The following ZNF862 variants were observed in gnomAD, a reference collection of about 807,000 sequenced individuals.
ZNF862 encodes zinc finger protein 862.
A neutral mutation model predicts 91.1 loss-of-function variants in ZNF862; 64 were observed. The observed-to-expected ratio is 0.70, with a 90% CI of 0.57 to 0.87. The LOEUF (loss-of-function observed/expected upper bound fraction) is 0.87, where lower values mean the gene tolerates loss of function less well. ZNF862 is among the 40% of genes least tolerant of loss of function. ZNF862 has a pLI of 0.00. For missense variants in ZNF862, 1,459 were observed against 1,528.0 expected, an observed-to-expected ratio of 0.95 and a Z score of 0.75; for synonymous variants, 631 against 618.1, an observed-to-expected ratio of 1.02 and a Z score of -0.31.
rs915714057 is a variant in ZNF862, at chr7:149,850,629, C to T, written c.1117+291C>T. 2.3e-5 allele frequency: 7 copies of T among 307,026 alleles called. No individual in the cohort carries two copies. The highest frequency in any genetic ancestry group is 5.8e-5 in the East Asian group (1 of 17,100). 19.0% of individuals were successfully genotyped at this position (307,026 alleles called of 1,614,324 possible). ...GGTCTCTGCTTTCAAGGGCCTAGCACGTTTGTGGGAGAGACAGACATTTTA... is the reference window on the plus strand; with the variant it reads ...GGTCTCTGCTTTCAAGGGCCTAGCATGTTTGTGGGAGAGACAGACATTTTA... On this transcript the variant is annotated intron_variant, in intron 5 of 7. Coordinates refer to ENST00000223210, the MANE Select transcript of ZNF862 (RefSeq NM_001099220.3). This position sits in a 1 kb window ranked among gnomAD's most constrained non-coding sequence, Gnocchi z 4.2.
Position 149,864,439 on chromosome 7 carries a change from A to G in ZNF862, c.*155A>G. On this transcript the variant is annotated 3_prime_UTR_variant, in exon 8 of 8. Coordinates refer to ENST00000223210, the MANE Select transcript of ZNF862 (RefSeq NM_001099220.3). ...GGCATCCCAGAGCAGCAGGGGTATC[A>G]GGAGGTGCATGACCTGTTTCCTGAG... The G allele has an allele frequency of 2.7e-6, 2 of 733,726 alleles. No individual in the cohort carries two copies. Among genetic ancestry groups the G allele is most frequent in the Non-Finnish European group, 4.4e-6 (2 of 458,646 alleles). 45.5% of individuals were successfully genotyped at this position (733,726 alleles called of 1,614,324 possible).
intron 5 of ZNF862, chr7:149,858,598 T>G (rs2128940636): frequency 6.6e-6 from 1 of 152,346 alleles, no homozygotes; most frequent in South Asian, 2.1e-4. Flanking sequence ...AGAAAGTTTA[T>G]GCACACATTC....
chr7:149,854,832 T>G (rs956014197), intron 5 of ZNF862, among the ~76,000 whole-genome samples: 1 of 152,232 alleles, frequency 6.6e-6, no homozygotes, highest in Non-Finnish European at 1.5e-5. Flanking sequence ...GCCCTGAAGC[T>G]CTGACTTCCT....
intron 3 of ZNF862, among the ~76,000 whole-genome samples, chr7:149,846,499 G>A (rs1436142586): frequency 6.6e-6 from 1 of 152,154 alleles, no homozygotes; most frequent in Non-Finnish European, 1.5e-5. Context: ...ATTATTATAA[G>A]TTCCATGAAG....
rs753420158 is a variant in ZNF862, at chr7:149,848,037, A to T, written c.544A>T (p.Thr182Ser). ...ACGGTCAAGACTAATAGAAGGTTATACAGGACCATTCAAGGTGGAGACTCT... is the reference window on the plus strand; with the variant it reads ...ACGGTCAAGACTAATAGAAGGTTATTCAGGACCATTCAAGGTGGAGACTCT... ...DKRSRLIEGY[T>S]GPFKVETLKY... is the part of the protein sequence containing the mutation. The change falls in exon 4 of 8, where the codon ACA becomes TCA. Residue 182 changes from threonine (T) to serine (S), a missense_variant. By Grantham distance (58) the Thr-to-Ser change is moderately conservative (BLOSUM62 1). Transcript: ENST00000223210. The T allele has an allele frequency of 4.3e-6, 7 of 1,613,968 alleles. No homozygotes were observed. Among genetic ancestry groups the T allele is most frequent in the Middle Eastern group, 1.6e-4 (1 of 6,062 alleles).
In ZNF862 at chr7:149,860,774, C is replaced by T. The variant is rs1176679718; in HGVS notation, c.1614C>T (p.Thr538=). 6.8e-6 allele frequency: 11 copies of T among 1,613,756 alleles called. No homozygotes were observed. Among genetic ancestry groups the T allele is most frequent in the Non-Finnish European group, 9.3e-6 (11 of 1,179,902 alleles). ...ACACGGTTGAAATCAAGGAAGACAC[C>T]CCTCACACTGCCCTCGTTCCAGAGA... is the stretch of plus-strand genomic sequence containing the variant. ...CVNTVEIKED[T]PHTALVPEIS... The change falls in exon 7 of 8, where the codon ACC becomes ACT. Residue 538 remains threonine, a synonymous_variant. Transcript: ENST00000223210.
In ZNF862 at chr7:149,864,191, G is replaced by T; in HGVS notation, c.3417G>T (p.Arg1139Ser). ...AGAAGCCACCCATCCTGCCCTCCAG[G>T]GAAGCAGCGGAGGTTCTGAAGGACT... Reference protein sequence around the residue: ...RTQKPPILPSREAAEVLKDCI... With the variant: ...RTQKPPILPSSEAAEVLKDCI... Residue 1139 changes from arginine (R) to serine (S), a missense_variant, in exon 8 of 8, where the codon AGG becomes AGT. Arg to Ser is a moderately radical substitution (Grantham distance 110). Coordinates refer to ENST00000223210, the MANE Select transcript of ZNF862 (RefSeq NM_001099220.3). The T allele has an allele frequency of 3.8e-6, 6 of 1,595,930 alleles. No homozygotes were observed. The highest frequency in any genetic ancestry group is 5.1e-6 in the Non-Finnish European group (6 of 1,171,642).
intron 5 of ZNF862, among the ~76,000 whole-genome samples, chr7:149,853,089 CTATT>C (rs1289022222): frequency 1.3e-5 from 2 of 152,172 alleles, no homozygotes; most frequent in Non-Finnish European, 2.9e-5. Flanking sequence ...AGAGTGGCAT[CTATT>C]TATTTGTTTG....
intron 3 of ZNF862, among the ~76,000 whole-genome samples, chr7:149,847,165 T>G (rs1165276606): frequency 1.3e-5 from 2 of 152,214 alleles, no homozygotes; most frequent in African/African-American, 4.8e-5. Context: ...TGTTCGAAGG[T>G]TTATGTTATA....
chr7:149,841,577 A>T, intron 1 of ZNF862: 1 of 985,482 alleles, frequency 1.0e-6, no homozygotes, highest in Non-Finnish European at 1.2e-6. Flanking sequence ...CTCATAAAAT[A>T]GCATCACTAC....
rs901386464 is a variant in ZNF862 at position 149,866,869 on chromosome 7, CTTTG to C, written c.*2590_*2593del. ...GCCCTGGCCCAGGCTGGCCCCTTTGCTTTGTTTGGAGAGGCTGGCTGAGTTTCAG... is the reference window on the plus strand; with the variant it reads ...GCCCTGGCCCAGGCTGGCCCCTTTGCTTTGGAGAGGCTGGCTGAGTTTCAG... On this transcript the variant is annotated 3_prime_UTR_variant, in exon 8 of 8. Transcript: ENST00000223210. 6.6e-6 allele frequency: 1 copy of C among 152,142 alleles called. No homozygotes were observed. The highest frequency in any genetic ancestry group is 2.4e-5 in the African/African-American group (1 of 41,400). 9.4% of individuals were successfully genotyped at this position (152,142 alleles called of 1,614,324 possible).
chr7:149,839,355 A>G (rs1801626061), intron 1 of ZNF862, among the ~76,000 whole-genome samples: 1 of 152,220 alleles, frequency 6.6e-6, no homozygotes, highest in Non-Finnish European at 1.5e-5. Flanking sequence ...GTTTGCTGCC[A>G]GTTCTTGAGT....
chr7:149,842,716 G>A (rs1801749444), intron 1 of ZNF862, among the ~76,000 whole-genome samples: 1 of 152,188 alleles, frequency 6.6e-6, no homozygotes, highest in East Asian at 1.9e-4. Context: ...AATCACAAGT[G>A]TTTTAACCTG....
intron 2 of ZNF862, 103 bp from the exon 3 acceptor site, chr7:149,846,048 G>A (rs890594212): frequency 2.2e-5 from 17 of 783,112 alleles, no homozygotes; most frequent in East Asian, 8.2e-5. Flanking sequence ...TCACCATGCC[G>A]AGAGATGTCG....
At chr7:149,860,039 GA>G in intron 6 of ZNF862, 1 of 335,782 alleles carries the variant, frequency 3.0e-6, no homozygotes, top group African/African-American at 2.1e-5. Context: ...ACACGAGAGT[GA>G]AAGCCACCTG....
rs1308866076 is a variant in ZNF862, at chr7:149,860,811, C to A, written c.1651C>A (p.Leu551Ile). The change falls in exon 7 of 8, where the codon CTC becomes ATC. Residue 551 changes from leucine (L) to isoleucine (I), a missense_variant. Coordinates refer to ENST00000223210, the MANE Select transcript of ZNF862 (RefSeq NM_001099220.3). ...TALVPEISSD[L>I]MANMEHFFNA... Reference sequence around the variant, plus strand: ...CCTCGTTCCAGAGATCTCCAGCGACCTCATGGCCAACATGGAGCACTTTTT... The same window carrying A: ...CCTCGTTCCAGAGATCTCCAGCGACATCATGGCCAACATGGAGCACTTTTT... The A allele has an allele frequency of 6.2e-7, 1 of 1,613,856 alleles. No homozygotes were observed. The highest frequency in any genetic ancestry group is 8.5e-7 in the Non-Finnish European group (1 of 1,179,896).
intron 5 of ZNF862, 114 bp from the exon 6 acceptor site, chr7:149,859,308 A>G: frequency 9.9e-7 from 1 of 1,006,784 alleles, no homozygotes; most frequent in South Asian, 1.4e-5. Flanking sequence ...TAGACTTTAT[A>G]AGGACAGAAC....
At position 149,865,589 on chromosome 7, in the gene ZNF862, C is replaced by T. The variant is rs113996066; in HGVS notation, c.*1305C>T. On this transcript the variant is annotated 3_prime_UTR_variant, in exon 8 of 8. Coordinates refer to ENST00000223210, the MANE Select transcript of ZNF862 (RefSeq NM_001099220.3). Reference sequence around the variant, plus strand: ...GCACTTTTCCTTCCAAGGGCAGCTCCGTCTTGGCAGGCTCAGGAGGCCGCT... The same window carrying T: ...GCACTTTTCCTTCCAAGGGCAGCTCTGTCTTGGCAGGCTCAGGAGGCCGCT... 1,394 of 152,350 alleles carry T rather than the reference C, an allele frequency of 9.1e-3. 24 individuals are homozygous for T. The highest frequency in any genetic ancestry group is 0.031 in the African/African-American group (1,298 of 41,546). The allele number at this position is 152,350 out of a possible 1,614,324, so 9.4% of individuals were successfully genotyped here.
chr7:149,859,593 C>T (rs1802386652), intron 6 of ZNF862, 67 bp downstream of exon 6: 2 of 1,301,492 alleles, frequency 1.5e-6, no homozygotes, highest in Non-Finnish European at 2.1e-6. Context: ...ATGAGTCAAA[C>T]AGCATGAGCT....
Sources: allele counts gnomAD v4.1 joint callset (sites outside exome capture counted in the v4.1 genomes callset), GRCh38; gene constraint gnomAD v4.1.1; non-coding constraint Gnocchi (gnomAD v3.1); transcripts MANE v1.5; gene names NCBI Gene and HGNC (gene_info 2026-07-23, HGNC 2026-07-21).